The following ATAD2B variants were observed in gnomAD, a reference collection of about 807,000 sequenced individuals.
ATAD2B encodes the protein ATPase family AAA domain-containing protein 2B.
In ATAD2B, 40 loss-of-function variants were observed where a neutral mutation model predicts 167.6. The observed-to-expected ratio is 0.24, with a 90% CI of 0.19 to 0.31. The LOEUF is 0.31. Ranked by LOEUF, ATAD2B falls within the 10% of genes least tolerant of loss-of-function variation. The pLI, the probability that ATAD2B is intolerant of heterozygous loss-of-function variation, is 1.00. For synonymous variants in ATAD2B, 579 were observed against 596.5 expected (o/e 0.97, Z 0.43); for missense variants, 1,242 against 1,757.2 (o/e 0.71, Z 5.24).
the ATAD2B span, among the ~76,000 whole-genome samples, chr2:23,734,987 A>C: frequency 3.9e-5 from 6 of 152,342 alleles, no homozygotes; most frequent in South Asian, 1.2e-3. Context: ...GTAGGTAGTT[A>C]CTATATCTTG....
At chr2:23,707,622 G>A in the ATAD2B span, 1 of 152,240 alleles carries the variant, frequency 6.6e-6, no homozygotes, top group Non-Finnish European at 1.5e-5. Flanking sequence ...GTCTGCTCTA[G>A]AAGGAGCCCG....
At chr2:23,856,537 G>A (rs1490972912) in intron 13 of ATAD2B, 8 of 250,822 alleles carry the variant, frequency 3.2e-5, no homozygotes, top group Non-Finnish European at 5.2e-5. Flanking sequence ...GAATACTCCT[G>A]GGGAGTGAAA....
At chr2:23,705,755 T>C in the ATAD2B span, among the ~76,000 whole-genome samples, 4 of 152,108 alleles carry the variant, frequency 2.6e-5, no homozygotes, top group Non-Finnish European at 5.9e-5. Context: ...AAATGGCCAT[T>C]AGCTGAAATG....
chr2:23,924,275 A>G (rs1020155823), intron 1 of ATAD2B, among the ~76,000 whole-genome samples: 1 of 152,234 alleles, frequency 6.6e-6, no homozygotes, highest in African/African-American at 2.4e-5. Flanking sequence ...ACAGGAATAC[A>G]TTTCTTTCTA....
At chr2:23,738,856 T>C in the ATAD2B span, among the ~76,000 whole-genome samples, 3 of 152,024 alleles carry the variant, frequency 2.0e-5, no homozygotes, top group East Asian at 1.9e-4. Flanking sequence ...TGGAGGAAGA[T>C]CTACCAAGCA....
Position 23,748,995 on chromosome 2 carries a change from T to C in ATAD2B, c.*3051A>G, listed in dbSNP as rs1675084473. 6.6e-6 allele frequency: 1 copy of C among 151,906 alleles called. No individual in the cohort carries two copies. The highest frequency in any genetic ancestry group is 1.5e-5 in the Non-Finnish European group (1 of 67,970). The allele number at this position is 151,906 out of a possible 1,614,324, so 9.4% of individuals were successfully genotyped here. ...TTACAATGTGATTACAAATAATAAT[T>C]ATAATAACAATGGCATTCAGCTACG... is the stretch of plus-strand genomic sequence containing the variant. On this transcript the variant is annotated 3_prime_UTR_variant, in exon 28 of 28. Coordinates refer to ENST00000238789, the MANE Select transcript of ATAD2B (RefSeq NM_017552.4).
In ATAD2B at chr2:23,751,067, C is replaced by G. The variant is rs1675297181; in HGVS notation, c.*979G>C. 6.6e-6 allele frequency: 1 copy of G among 152,100 alleles called. No homozygotes were observed. 9.4% of individuals were successfully genotyped at this position (152,100 alleles called of 1,614,324 possible). The stretch of plus-strand genomic sequence containing the variant: ...TTTACTACATATGAAAACCATTTTT[C>G]TCTGGGAACTCAAACATGAATAACT... On this transcript the variant is annotated 3_prime_UTR_variant, in exon 28 of 28. Coordinates refer to ENST00000238789, the MANE Select transcript of ATAD2B (RefSeq NM_017552.4).
At chr2:23,746,135 A>G (rs1303760694), downstream of ATAD2B, among the ~76,000 whole-genome samples, 2 of 152,144 alleles carry the variant, frequency 1.3e-5, no homozygotes, top group South Asian at 4.1e-4. Flanking sequence ...CTGTATACCT[A>G]CAGTGCCTAA....
intron 1 of ATAD2B, among the ~76,000 whole-genome samples, chr2:23,899,918 CTTTTT>C (rs34685891): frequency 1.6e-4 from 13 of 83,608 alleles, no homozygotes; most frequent in African/African-American, 5.9e-4. Context: ...AGTTTTCTTA[CTTTTT>C]TTTTTTTTTT....
chr2:23,858,904 G>A (rs954287011), intron 12 of ATAD2B, among the ~76,000 whole-genome samples: 19 of 152,080 alleles, frequency 1.2e-4, no homozygotes, highest in African/African-American at 4.6e-4. Context: ...CAACAATATT[G>A]TAACAAATAA....
In ATAD2B at chr2:23,818,234, G is replaced by GGA. The variant is rs1399301424; in HGVS notation, c.2267+1511_2267+1512dup. ...GAGAGGGAGGGAGGGAAGAAGAGAGGGAGGGAGGGAGGGAAGAAGAGAGGG... is the reference window on the plus strand; with the variant it reads ...GAGAGGGAGGGAGGGAAGAAGAGAGGGAGAGGGAGGGAGGGAAGAAGAGAGGG... On this transcript the variant is annotated intron_variant, in intron 17 of 27. Coordinates refer to ENST00000238789, the MANE Select transcript of ATAD2B (RefSeq NM_017552.4). Among the ~76,000 whole-genome samples the GGA allele has an allele frequency of 1.9e-4, 12 of 63,264 alleles. 1 individual carries two copies. Among genetic ancestry groups the GGA allele is most frequent in the African/African-American group, 3.0e-4 (5 of 16,860 alleles). 41.5% of individuals were successfully genotyped at this position (63,264 alleles called of 152,430 possible). A position where few individuals can be genotyped will look rare whatever the true frequency, so the allele number is the denominator to read the frequency against.
At chr2:23,734,975 T>C in the ATAD2B span, among the ~76,000 whole-genome samples, 1 of 152,224 alleles carries the variant, frequency 6.6e-6, no homozygotes, top group Admixed American at 6.5e-5. Context: ...ACTTGGCAAA[T>C]GGTAGGTAGT....
At chr2:23,778,256 T>C (rs537410503) in intron 22 of ATAD2B, among the ~76,000 whole-genome samples, 8 of 152,236 alleles carry the variant, frequency 5.3e-5, no homozygotes, top group Non-Finnish European at 1.2e-4. Flanking sequence ...TCTTTCATTG[T>C]GGAACTGCAT....
chr2:23,754,168 TA>T lies in ATAD2B; in HGVS notation c.4335+10del. On this transcript the variant is annotated intron_variant, in intron 27 of 27. Coordinates refer to ENST00000238789, the MANE Select transcript of ATAD2B (RefSeq NM_017552.4). ...GTATTTGTTTATTCTACAGATAAAC[TA>T]AACACTTACCTCTACAAGTTGTGAT... The T allele has an allele frequency of 6.7e-7, 1 of 1,501,940 alleles. No individual in the cohort carries two copies. The highest frequency in any genetic ancestry group is 8.9e-7 in the Non-Finnish European group (1 of 1,128,488). 93.0% of individuals were successfully genotyped at this position (1,501,940 alleles called of 1,614,324 possible).
intron 10 of ATAD2B, 144 bp downstream of exon 10, chr2:23,867,691 G>A (rs1573130056): frequency 1.7e-6 from 1 of 583,284 alleles, no homozygotes; most frequent in East Asian, 2.9e-5. Context: ...CTTGTGGCTA[G>A]GGTTCTTAGG....
rs1687779204 is a variant in ATAD2B at position 23,823,462 on chromosome 2, C to T, written c.1927G>A (p.Val643Ile). The change falls in exon 16 of 28, where the codon GTT (valine) becomes ATT (isoleucine). Residue 643 changes from valine (V) to isoleucine (I), a missense_variant. By Grantham distance (29) the Val-to-Ile change is conservative. Coordinates refer to ENST00000238789, the MANE Select transcript of ATAD2B (RefSeq NM_017552.4). ...YASSHKLQLD[V>I]SSIVLSAQDF... ...TGGGCACTAAGCACTATTGAGGAAA[C>T]ATCCAGCTGCAGTTTATGACTGCTA... 6.2e-7 allele frequency: 1 copy of T among 1,613,990 alleles called. No individual in the cohort carries two copies. Among genetic ancestry groups the T allele is most frequent in the Admixed American group, 1.7e-5 (1 of 60,026 alleles).
chr2:23,718,592 G>A, the ATAD2B span, among the ~76,000 whole-genome samples: 6 of 152,304 alleles, frequency 3.9e-5, no homozygotes, highest in African/African-American at 7.2e-5. Flanking sequence ...TTGCCCCTGC[G>A]TGGTGCACAT....
intron 18 of ATAD2B, chr2:23,809,131 G>A (rs1422268549): frequency 6.6e-6 from 1 of 151,986 alleles, no homozygotes; most frequent in Middle Eastern, 3.4e-3. Flanking sequence ...ATTTTAAATG[G>A]TACTGAGTAA....
chr2:23,832,280 G>A, intron 14 of ATAD2B: 1 of 465,282 alleles, frequency 2.1e-6, no homozygotes, highest in Middle Eastern at 3.3e-4. Context: ...ACTATTTAAG[G>A]GAAAAAGGTA....
Sources: allele counts gnomAD v4.1 joint callset (sites outside exome capture counted in the v4.1 genomes callset), GRCh38; gene constraint gnomAD v4.1.1; transcripts MANE v1.5; gene names NCBI Gene and HGNC (gene_info 2026-07-23, HGNC 2026-07-21).